KIAA1217: variants seen among roughly 807,000 people sequenced by gnomAD.
The protein encoded by KIAA1217 is sickle tail protein homolog.
In KIAA1217, 88 loss-of-function variants were observed where a neutral mutation model predicts 163.9. That is an observed-to-expected ratio of 0.54 (90% CI 0.45 to 0.64). KIAA1217 has a LOEUF of 0.64. Ranked by LOEUF, KIAA1217 falls within the 30% of genes least tolerant of loss-of-function variation. The pLI is 0.00. For missense variants in KIAA1217, 2,372 were observed against 2,475.0 expected (o/e 0.96, Z 0.88); for synonymous variants, 903 against 923.1 (o/e 0.98, Z 0.39).
At chr10:24,534,479 A>G (rs1291880927) in intron 16 of KIAA1217, among the ~76,000 whole-genome samples, 1 of 152,034 alleles carries the variant, frequency 6.6e-6, no homozygotes, top group Non-Finnish European at 1.5e-5. Context: ...ACAGCCCACC[A>G]CTGAGGGACA....
intron 1 of KIAA1217, among the ~76,000 whole-genome samples, chr10:23,849,366 T>C (rs996649359): frequency 6.6e-6 from 1 of 152,116 alleles, no homozygotes; most frequent in Non-Finnish European, 1.5e-5. Context: ...CTGCTAGTTC[T>C]GGTGAAAAGT....
At chr10:24,136,214 T>G (rs2063826215) in intron 2 of KIAA1217, among the ~76,000 whole-genome samples, 3 of 152,112 alleles carry the variant, frequency 2.0e-5, no homozygotes, top group Admixed American at 2.0e-4. Context: ...TCTGGAGGTC[T>G]ATGCATATTT....
intron 2 of KIAA1217, among the ~76,000 whole-genome samples, chr10:24,104,509 G>T (rs2062544914): frequency 6.6e-6 from 1 of 152,168 alleles, no homozygotes; most frequent in Non-Finnish European, 1.5e-5. Flanking sequence ...GTCAGGTTCT[G>T]GGAGGAAGGA....
chr10:23,985,350 GGA>G (rs1232980470), intron 1 of KIAA1217, among the ~76,000 whole-genome samples: 1 of 152,040 alleles, frequency 6.6e-6, no homozygotes, highest in African/African-American at 2.4e-5. Context: ...TGGTCTTTTT[GGA>G]GTTCATCAGA....
At chr10:24,272,188 A>T (rs982116715) in intron 2 of KIAA1217, among the ~76,000 whole-genome samples, 2 of 152,176 alleles carry the variant, frequency 1.3e-5, no homozygotes, top group Non-Finnish European at 2.9e-5. Context: ...CAGTAAAATT[A>T]GATAAGGGAG....
chr10:23,945,498 A>G (rs1843988348), intron 1 of KIAA1217, among the ~76,000 whole-genome samples: 1 of 152,172 alleles, frequency 6.6e-6, no homozygotes, highest in Admixed American at 6.5e-5. Context: ...GACATAAGGG[A>G]ATTTTCAGGA....
At chr10:24,072,200 T>G (rs2061212059) in intron 2 of KIAA1217, among the ~76,000 whole-genome samples, 1 of 152,026 alleles carries the variant, frequency 6.6e-6, no homozygotes, top group African/African-American at 2.4e-5. Context: ...TAATTATTTT[T>G]ATTTTTTGTA....
At chr10:24,218,031 G>A (rs2069066564) in intron 1 of KIAA1217, among the ~76,000 whole-genome samples, 1 of 152,124 alleles carries the variant, frequency 6.6e-6, no homozygotes, top group African/African-American at 2.4e-5. Flanking sequence ...GGAATTCAGT[G>A]GACAAGGAAA....
At chr10:23,854,902 G>A (rs951695013) in intron 1 of KIAA1217, among the ~76,000 whole-genome samples, 4 of 152,142 alleles carry the variant, frequency 2.6e-5, no homozygotes, top group Non-Finnish European at 2.9e-5. Context: ...TTGAGCCTAT[G>A]TGTGTCTCTG....
chr10:24,317,356 C>G (rs967762998), intron 2 of KIAA1217, among the ~76,000 whole-genome samples: 1 of 152,086 alleles, frequency 6.6e-6, no homozygotes, highest in African/African-American at 2.4e-5. Context: ...CGGACTCAAG[C>G]GATTCCCCCA....
chr10:24,433,193 G>A lies in KIAA1217; in HGVS notation c.752G>A (p.Arg251Lys), dbSNP rs761272341. 1.9e-6 allele frequency: 3 copies of A among 1,607,982 alleles called. No homozygotes were observed. The highest frequency in any genetic ancestry group is 2.7e-5 in the African/African-American group (2 of 74,814). ...RNVYYELNDV[R>K]NIQDRSLLKV... is the part of the protein sequence containing the mutation. ...GTCTATTATGAATTAAATGATGTAA[G>A]GTAAGTTGTGACATCATTTTTTGCC... Residue 251 changes from arginine to lysine, a missense_variant and splice_region_variant, in exon 4 of 21, where the codon AGG becomes AAG. Coordinates refer to ENST00000376454, the MANE Select transcript of KIAA1217 (RefSeq NM_019590.5).
At position 24,520,689 on chromosome 10, in the gene KIAA1217, A is replaced by ACACACACACACAC. The variant is rs763777354; in HGVS notation, c.2308+436_2308+437insCACACACACACAC. Among the ~76,000 whole-genome samples the ACACACACACACAC allele has an allele frequency of 4.2e-3, 432 of 103,008 alleles. 6 individuals carry two copies. Among genetic ancestry groups the ACACACACACACAC allele is most frequent in the East Asian group, 6.6e-3 (21 of 3,206 alleles). The allele number at this position is 103,008 out of a possible 152,430, so 67.6% of individuals were successfully genotyped here. ...ATATATATATATACACACACACACA[A>ACACACACACACAC]AAAAAAATTAGCCAGGTGTGGTGGT... On this transcript the variant is annotated intron_variant, in intron 11 of 20. Transcript: ENST00000376454.
chr10:23,753,464 T>C (rs1833760593), intron 1 of KIAA1217, among the ~76,000 whole-genome samples: 1 of 152,236 alleles, frequency 6.6e-6, no homozygotes, highest in Non-Finnish European at 1.5e-5. Context: ...TACCTACCTG[T>C]TTCTTAGTTG....
chr10:24,460,602 T>A (rs574669650), intron 5 of KIAA1217, among the ~76,000 whole-genome samples: 1 of 152,198 alleles, frequency 6.6e-6, no homozygotes, highest in Non-Finnish European at 1.5e-5. Context: ...GTTGTTTGGC[T>A]GAGGATCAAA....
At chr10:24,235,983 C>T (rs960279606) in intron 2 of KIAA1217, among the ~76,000 whole-genome samples, 1 of 152,092 alleles carries the variant, frequency 6.6e-6, no homozygotes, top group Non-Finnish European at 1.5e-5. Flanking sequence ...GTTTAAATCT[C>T]GGGTCAGCCT....
intron 1 of KIAA1217, among the ~76,000 whole-genome samples, chr10:23,930,465 C>T (rs16924085): frequency 0.012 from 1,826 of 152,254 alleles, 29 homozygotes; most frequent in African/African-American, 0.042. Flanking sequence ...GTTCTACATC[C>T]TGTATTATTT....
chr10:23,987,399 C>A (rs1846023930), intron 1 of KIAA1217, among the ~76,000 whole-genome samples: 2 of 135,328 alleles, frequency 1.5e-5, no homozygotes, highest in South Asian at 2.5e-4. Context: ...AAAAGCCACC[C>A]TTCTTACTTT....
At chr10:23,851,116 A>T (rs1277393611) in intron 1 of KIAA1217, among the ~76,000 whole-genome samples, 2 of 151,600 alleles carry the variant, frequency 1.3e-5, no homozygotes, top group Non-Finnish European at 2.9e-5. Context: ...GCGACCATTG[A>T]CTCGTCATTT....
At chr10:24,169,360 T>C (rs112562458) in intron 2 of KIAA1217, among the ~76,000 whole-genome samples, 3,168 of 152,070 alleles carry the variant, frequency 0.021, 99 homozygotes, top group African/African-American at 0.071. Context: ...TCCCAACGGC[T>C]TTCTTACCCA....
Sources: allele counts gnomAD v4.1 joint callset (sites outside exome capture counted in the v4.1 genomes callset), GRCh38; gene constraint gnomAD v4.1.1; transcripts MANE v1.5; gene names NCBI Gene and HGNC (gene_info 2026-07-23, HGNC 2026-07-21).